RBFOX1: variants seen among roughly 807,000 people sequenced by gnomAD.
RBFOX1 encodes RNA binding fox-1 homolog 1, also known as RNA binding protein fox-1 homolog 1.
In RBFOX1, 8 loss-of-function variants were observed where a neutral mutation model predicts 57.7. That is an observed-to-expected ratio of 0.14 (90% CI 0.08 to 0.25). The LOEUF (loss-of-function observed/expected upper bound fraction) is 0.25. Ranked by LOEUF, RBFOX1 falls within the 10% of genes least tolerant of loss-of-function variation. RBFOX1 has a pLI of 1.00. For synonymous variants in RBFOX1, 326 were observed against 222.4 expected (o/e 1.47, Z -4.15); for missense variants, 611 against 548.5 (o/e 1.11, Z -1.14).
intron 2 of RBFOX1, among the ~76,000 whole-genome samples, chr16:5,581,764 C>T (rs2046675586): frequency 6.6e-6 from 1 of 152,050 alleles, no homozygotes; most frequent in African/African-American, 2.4e-5. Flanking sequence ...TGACAGGGGC[C>T]AGAGTAGTGG....
chr16:6,808,003 CTATA>C (rs1474134869), intron 3 of RBFOX1, among the ~76,000 whole-genome samples: 7 of 148,490 alleles, frequency 4.7e-5, no homozygotes, highest in East Asian at 4.0e-4. Context: ...ATGCATAGAA[CTATA>C]TATAATATGC....
chr16:5,809,588 G>A (rs8051672), intron 3 of RBFOX1, among the ~76,000 whole-genome samples: 20 of 152,034 alleles, frequency 1.3e-4, no homozygotes, highest in South Asian at 2.1e-4. Flanking sequence ...TCACCATCAC[G>A]GGCCATCAGA....
chr16:6,501,484 G>T (rs145307117), intron 2 of RBFOX1, among the ~76,000 whole-genome samples: 3,953 of 151,866 alleles, frequency 0.026, 187 homozygotes, highest in African/African-American at 0.089. Context: ...CATTTTTATG[G>T]CTGCATAGTA....
At chr16:6,616,414 C>T (rs1030638250) in intron 2 of RBFOX1, among the ~76,000 whole-genome samples, 8 of 151,368 alleles carry the variant, frequency 5.3e-5, no homozygotes, top group East Asian at 3.9e-4. Flanking sequence ...TGATGGCTCA[C>T]GCCTGTAATC....
chr16:7,708,695 C>T (rs1008287541), intron 14 of RBFOX1, among the ~76,000 whole-genome samples: 2 of 152,158 alleles, frequency 1.3e-5, no homozygotes, highest in African/African-American at 2.4e-5. Context: ...TTAAAATACC[C>T]TCTGTGGGTG....
intron 2 of RBFOX1, among the ~76,000 whole-genome samples, chr16:6,524,502 A>T (rs930568598): frequency 6.6e-6 from 1 of 152,158 alleles, no homozygotes. Flanking sequence ...CTCGTTAGAC[A>T]TCAAGTTCCT....
intron 9 of RBFOX1, among the ~76,000 whole-genome samples, chr16:7,604,359 T>C (rs898748333): frequency 3.3e-5 from 5 of 152,214 alleles, no homozygotes; most frequent in Non-Finnish European, 5.9e-5. Context: ...GTTCCCATGA[T>C]GACCCAAGCA....
rs1555651056 is a variant in RBFOX1, at chr16:6,939,381, GTA to G, written c.-15-112674_-15-112673del. 1.8e-3 allele frequency among the ~76,000 whole-genome samples: 264 copies of G among 145,612 alleles called. 1 individual carries two copies. Among genetic ancestry groups the G allele is most frequent in the Non-Finnish European group, 3.4e-3 (228 of 67,912 alleles). On this transcript the variant is annotated intron_variant, in intron 3 of 15. Coordinates refer to ENST00000550418, the MANE Select transcript of RBFOX1 (RefSeq NM_018723.4). ...AAGTTTTAGGTAGCTTTATATATGT[GTA>G]TGTGTGTGTGTGTGTGTGTATATAT...
intron 1 of RBFOX1, among the ~76,000 whole-genome samples, chr16:6,082,213 C>T (rs1387921398): frequency 7.8e-6 from 1 of 128,144 alleles, no homozygotes; most frequent in African/African-American, 3.0e-5. Context: ...TGGATCCTTA[C>T]TCTGTCACCC....
At chr16:6,801,567 G>C (rs2085458241) in intron 3 of RBFOX1, among the ~76,000 whole-genome samples, 1 of 152,074 alleles carries the variant, frequency 6.6e-6, no homozygotes, top group Admixed American at 6.6e-5. Flanking sequence ...GCAAAAGGAA[G>C]CCCATAATTG....
intron 3 of RBFOX1, among the ~76,000 whole-genome samples, chr16:6,911,952 A>G (rs566952356): frequency 6.6e-6 from 1 of 152,176 alleles, no homozygotes. Context: ...TGGTTCACCA[A>G]TCCTTTGAGG....
chr16:5,606,604 C>T (rs192347239), intron 3 of RBFOX1, among the ~76,000 whole-genome samples: 34 of 152,228 alleles, frequency 2.2e-4, no homozygotes, highest in African/African-American at 7.7e-4. Flanking sequence ...TCAAACCGTG[C>T]CCTCAAAGCG....
At chr16:7,648,197 C>A (rs937186923) in intron 11 of RBFOX1, among the ~76,000 whole-genome samples, 1 of 152,070 alleles carries the variant, frequency 6.6e-6, no homozygotes, top group Admixed American at 6.6e-5. Context: ...GTCCCTAAAC[C>A]AACAATTGAG....
chr16:6,530,061 A>G (rs2096635261), intron 2 of RBFOX1, among the ~76,000 whole-genome samples: 1 of 152,176 alleles, frequency 6.6e-6, no homozygotes, highest in African/African-American at 2.4e-5. Context: ...CAATGTGTTT[A>G]AAGTTTCTTT....
intron 3 of RBFOX1, among the ~76,000 whole-genome samples, chr16:5,722,272 C>T (rs2051964101): frequency 6.6e-6 from 1 of 152,220 alleles, no homozygotes; most frequent in African/African-American, 2.4e-5. Context: ...AATTAGGCTA[C>T]AGTGTATCTA....
chr16:6,607,436 C>CTT (rs397747168), intron 2 of RBFOX1, among the ~76,000 whole-genome samples: 10 of 143,026 alleles, frequency 7.0e-5, no homozygotes, highest in African/African-American at 2.8e-4. Flanking sequence ...CTCTCTCTCT[C>CTT]GCTCTCTATC....
chr16:5,853,374 T>C (rs571500487), intron 3 of RBFOX1, among the ~76,000 whole-genome samples: 1 of 152,158 alleles, frequency 6.6e-6, no homozygotes, highest in Non-Finnish European at 1.5e-5. Context: ...CAAAGCTTTG[T>C]GAGCGTGTTG....
intron 3 of RBFOX1, among the ~76,000 whole-genome samples, chr16:5,646,779 C>A (rs570010587): frequency 6.6e-6 from 1 of 152,074 alleles, no homozygotes; most frequent in Non-Finnish European, 1.5e-5. Context: ...GGACTACAGG[C>A]GCCCATCACC....
intron 2 of RBFOX1, among the ~76,000 whole-genome samples, chr16:6,518,845 A>G (rs866354586): frequency 5.7e-5 from 6 of 105,116 alleles, no homozygotes; most frequent in Admixed American, 8.8e-5. Context: ...CTATCTATCT[A>G]TCTGTCTTCC....
Sources: allele counts gnomAD v4.1 joint callset (sites outside exome capture counted in the v4.1 genomes callset), GRCh38; gene constraint gnomAD v4.1.1; transcripts MANE v1.5; gene names NCBI Gene and HGNC (gene_info 2026-07-23, HGNC 2026-07-21).